SLC6A4: variants seen among roughly 807,000 people sequenced by gnomAD.
SLC6A4 encodes the protein solute carrier family 6 member 4, also known as sodium-dependent serotonin transporter.
Under a neutral mutation model 73.4 loss-of-function variants are expected in SLC6A4, and 22 were observed. That is an observed-to-expected ratio of 0.30 (90% CI 0.21 to 0.43). The LOEUF is 0.43. Among genes scored for constraint, SLC6A4 ranks in the 20% least tolerant of loss-of-function variants. The probability of loss-of-function intolerance (pLI) is 1.00; values close to 1 mark genes in which losing one functional copy is unlikely to be tolerated. For synonymous variants in SLC6A4, 270 were observed against 315.5 expected, an observed-to-expected ratio of 0.86 and a Z score of 1.53; for missense variants, 593 against 808.5, an observed-to-expected ratio of 0.73 and a Z score of 3.23.
At chr17:30,228,349 C>T (rs1034058646) in intron 1 of SLC6A4, among the ~76,000 whole-genome samples, 1 of 152,220 alleles carries the variant, frequency 6.6e-6, no homozygotes, top group African/African-American at 2.4e-5. Context: ...CACAGGGAAG[C>T]ATCAATAAAT....
At chr17:30,228,990 G>A (rs1006898946) in intron 1 of SLC6A4, among the ~76,000 whole-genome samples, 2 of 152,318 alleles carry the variant, frequency 1.3e-5, no homozygotes, top group South Asian at 4.1e-4. Flanking sequence ...ACAGATCTGA[G>A]CTCCATGTGA....
chr17:30,217,302 C>A lies in SLC6A4; in HGVS notation c.701G>T (p.Arg234Leu), dbSNP rs763898530. ...AGACCGGTGGATCTGCAGGACGTGGCGCCTGGGGTGAAGGAGAAAGAAAGG... is the reference window on the plus strand; with the variant it reads ...AGACCGGTGGATCTGCAGGACGTGGAGCCTGGGGTGAAGGAGAAAGAAAGG... ...STSPAEEFYT[R>L]HVLQIHRSKG... Residue 234 changes from arginine to leucine, a missense_variant and splice_region_variant, in exon 6 of 15, where the codon CGC (arginine) becomes CTC (leucine). Arg to Leu is a moderately radical substitution (Grantham distance 102). Coordinates refer to ENST00000650711, the MANE Select transcript of SLC6A4 (RefSeq NM_001045.6). 1 of 1,612,984 alleles carries A rather than the reference C, an allele frequency of 6.2e-7. No individual in the cohort carries two copies. The highest frequency in any genetic ancestry group is 1.3e-5 in the African/African-American group (1 of 74,842).
At chr17:30,213,698 T>C (rs1353031365) in intron 8 of SLC6A4, among the ~76,000 whole-genome samples, 4 of 152,076 alleles carry the variant, frequency 2.6e-5, no homozygotes, top group Non-Finnish European at 4.4e-5. Flanking sequence ...CTGCCATCTG[T>C]GATCAATTAA....
At chr17:30,199,671 G>T (rs1291521253) in intron 14 of SLC6A4, among the ~76,000 whole-genome samples, 1 of 152,074 alleles carries the variant, frequency 6.6e-6, no homozygotes, top group Non-Finnish European at 1.5e-5. Flanking sequence ...TAGTATCTGT[G>T]TACTGAACTT....
chr17:30,217,029 GAA>G, intron 6 of SLC6A4, 135 bp downstream of exon 6: 1 of 762,060 alleles, frequency 1.3e-6, no homozygotes, highest in Non-Finnish European at 2.1e-6. Flanking sequence ...CAAATGCGGT[GAA>G]GAGAGAGAGG....
chr17:30,211,067 C>A lies in SLC6A4; in HGVS notation c.1317+245G>T, dbSNP rs1906370665. Among the ~76,000 whole-genome samples the A allele has an allele frequency of 6.6e-6, 1 of 152,248 alleles. No homozygotes were observed. The highest frequency in any genetic ancestry group is 6.5e-5 in the Admixed American group (1 of 15,284). On this transcript the variant is annotated intron_variant, in intron 10 of 14. Transcript: ENST00000650711. This position sits in a 1 kb window ranked among gnomAD's most constrained non-coding sequence, Gnocchi z 4.0. ...TGGGCCAAGGGACAGTGCTTAATAACAGTTCACATATGTGAGCCTTGGGCC... is the reference window on the plus strand; with the variant it reads ...TGGGCCAAGGGACAGTGCTTAATAAAAGTTCACATATGTGAGCCTTGGGCC...
chr17:30,219,432 G>A (rs759852418), intron 3 of SLC6A4, among the ~76,000 whole-genome samples: 15 of 152,206 alleles, frequency 9.9e-5, no homozygotes, highest in Non-Finnish European at 4.4e-5. Flanking sequence ...GATGCAGCCA[G>A]TACCTGGGAC....
At chr17:30,205,962 T>G (rs1906181120) in intron 13 of SLC6A4, 1 of 152,342 alleles carries the variant, frequency 6.6e-6, no homozygotes, top group Non-Finnish European at 1.5e-5. Flanking sequence ...TGAGTCTTGT[T>G]CACGTCCTGC....
intron 1 of SLC6A4, among the ~76,000 whole-genome samples, chr17:30,225,318 C>T (rs1194394509): frequency 2.0e-5 from 3 of 152,070 alleles, no homozygotes; most frequent in East Asian, 1.9e-4. Flanking sequence ...GCCATGTGCC[C>T]GGGGCCCTTT....
At chr17:30,217,368 T>C (rs1216584859) in intron 5 of SLC6A4, 64 bp from the exon 6 acceptor site, 2 of 1,519,840 alleles carry the variant, frequency 1.3e-6, no homozygotes, top group East Asian at 4.6e-5. Flanking sequence ...CACACATCTG[T>C]GCTGCTCCTT....
intron 4 of SLC6A4, 53 bp downstream of exon 4, chr17:30,218,744 A>G (rs199919312): frequency 1.4e-5 from 23 of 1,601,528 alleles, no homozygotes; most frequent in Non-Finnish European, 2.0e-5. Flanking sequence ...CCACTGATGG[A>G]AATCCCTTCC....
chr17:30,197,948 C>T lies in SLC6A4; in HGVS notation c.*508G>A, dbSNP rs1905915597. ...ACATCTTCCTTTCCTGATGCCACAG[C>T]AGCACATGGATTAGAAGGTTCTAGT... On this transcript the variant is annotated 3_prime_UTR_variant, in exon 15 of 15. Transcript: ENST00000650711. 1.3e-5 allele frequency: 2 copies of T among 154,468 alleles called. No homozygotes were observed. The highest frequency in any genetic ancestry group is 2.4e-5 in the African/African-American group (1 of 41,552). 9.6% of individuals were successfully genotyped at this position (154,468 alleles called of 1,614,324 possible). A position where few individuals can be genotyped will look rare whatever the true frequency, so the allele number is the denominator to read the frequency against.
rs1465604592 is a variant in SLC6A4, at chr17:30,198,375, T to C, written c.*81A>G. On this transcript the variant is annotated 3_prime_UTR_variant, in exon 15 of 15. Transcript: ENST00000650711. ...CAGGCTTAGCTGGAAACTCATTCAC[T>C]TGGAGGGGAGAAGGCAGGCGTGCCT... is the stretch of plus-strand genomic sequence containing the variant. The C allele has an allele frequency of 1.3e-6, 1 of 783,484 alleles. No homozygotes were observed. The highest frequency in any genetic ancestry group is 2.2e-5 in the Admixed American group (1 of 44,814). 48.5% of individuals were successfully genotyped at this position (783,484 alleles called of 1,614,324 possible). A position where few individuals can be genotyped will look rare whatever the true frequency, so the allele number is the denominator to read the frequency against.
intron 12 of SLC6A4, among the ~76,000 whole-genome samples, chr17:30,208,185 C>T (rs1375305479): frequency 6.6e-6 from 1 of 151,972 alleles, no homozygotes; most frequent in Admixed American, 6.5e-5. Context: ...AGACACACAC[C>T]CCCTTCTTGG....
intron 1 of SLC6A4, among the ~76,000 whole-genome samples, chr17:30,231,085 G>A (rs1317031458): frequency 6.6e-6 from 1 of 152,122 alleles, no homozygotes; most frequent in Non-Finnish European, 1.5e-5. Context: ...GACAGCGGGG[G>A]AAATGGGAAT....
At chr17:30,218,416 G>A (rs1192503283) in intron 4 of SLC6A4, 79 bp from the exon 5 acceptor site, 3 of 1,104,394 alleles carry the variant, frequency 2.7e-6, no homozygotes, top group Non-Finnish European at 4.0e-6. Flanking sequence ...CGGGGCACTG[G>A]AGAGCCCCGC....
At chr17:30,232,930 G>A (rs1405576594) in intron 1 of SLC6A4, among the ~76,000 whole-genome samples, 2 of 152,196 alleles carry the variant, frequency 1.3e-5, no homozygotes, top group African/African-American at 4.8e-5. Context: ...GCAGGCCAAT[G>A]GTGGAGCCCG....
rs1905933081 is a variant in SLC6A4, at chr17:30,198,474, G to C, written c.1875C>G (p.Ile625Met). Residue 625 changes from isoleucine to methionine, a missense_variant, in exon 15 of 15, where the codon ATC (isoleucine) becomes ATG (methionine). By Grantham distance (10) the Ile-to-Met change is conservative. Coordinates refer to ENST00000650711, the MANE Select transcript of SLC6A4 (RefSeq NM_001045.6). Reference sequence around the variant, plus strand: ...GAGTGTGTTACACAGCATTCAAGCGGATGTCCCCACAAGGAATTTCTGTTG... The same window carrying C: ...GAGTGTGTTACACAGCATTCAAGCGCATGTCCCCACAAGGAATTTCTGTTG... ...ETPTEIPCGD[I>M]RLNAV The C allele has an allele frequency of 6.2e-7, 1 of 1,605,326 alleles. No individual in the cohort carries two copies. The highest frequency in any genetic ancestry group is 8.5e-7 in the Non-Finnish European group (1 of 1,172,372).
At chr17:30,213,875 G>A (rs571702363) in intron 8 of SLC6A4, among the ~76,000 whole-genome samples, 81 of 152,016 alleles carry the variant, frequency 5.3e-4, no homozygotes, top group Middle Eastern at 3.4e-3. Context: ...GCCTCCTGAA[G>A]AGCTGGGACC....
Sources: gnomAD v4.1 joint callset for allele counts (sites outside exome capture counted in the v4.1 genomes callset) on GRCh38, gnomAD v4.1.1 for gene constraint, Gnocchi (gnomAD v3.1) non-coding constraint, MANE v1.5 for transcripts, NCBI Gene and HGNC (gene_info 2026-07-23, HGNC 2026-07-21) for gene names.